TRIM62: variants seen among roughly 807,000 people sequenced by gnomAD.
TRIM62 encodes the protein tripartite motif containing 62.
In TRIM62, 39 loss-of-function variants were observed where a neutral mutation model predicts 44.2. The observed-to-expected ratio is 0.88, with a 90% CI of 0.68 to 1.15. TRIM62 has a LOEUF of 1.15. Among genes scored for constraint, TRIM62 ranks in the 50% most tolerant of loss-of-function variants. The pLI is 0.00. For missense variants in TRIM62, 544 were observed against 665.5 expected (o/e 0.82, Z 2.01); for synonymous variants, 278 against 292.3 (o/e 0.95, Z 0.50).
rs537359429 is a variant in TRIM62, at chr1:33,173,535, C to A, written c.408+7490G>T. On this transcript the variant is annotated intron_variant, in intron 1 of 4. Coordinates refer to ENST00000291416, the MANE Select transcript of TRIM62 (RefSeq NM_018207.3). ...TCCATTCTTACCTCCTCCTGCCACA[C>A]CCTCCCCTCTAGCCACAACGAACCA... Among the ~76,000 whole-genome samples, 180 of 152,170 alleles carry A rather than the reference C, an allele frequency of 1.2e-3. 1 individual carries two copies. Among genetic ancestry groups the A allele is most frequent in the Middle Eastern group, 3.4e-3 (1 of 294 alleles).
At chr1:33,174,966 T>C (rs372218926) in intron 1 of TRIM62, among the ~76,000 whole-genome samples, 94 of 95,334 alleles carry the variant, frequency 9.9e-4, no homozygotes, top group East Asian at 2.6e-3. Flanking sequence ...TATATATATA[T>C]ATACACACAT....
In TRIM62 at chr1:33,181,634, C is replaced by T. The variant is rs1166162923; in HGVS notation, c.-202G>A. The T allele has an allele frequency of 4.0e-6, 4 of 996,256 alleles. No individual in the cohort carries two copies. In the East Asian group the frequency reaches 1.2e-4, roughly 29 times the overall value. The allele number at this position is 996,256 out of a possible 1,614,324, so 61.7% of individuals were successfully genotyped here. A position where few individuals can be genotyped will look rare whatever the true frequency, so the allele number is the denominator to read the frequency against. Reference sequence around the variant, plus strand: ...GGTGCGCGGCTGAGACTCCGTGGGACGCCAGCCCGGGAGGGCAGTCTAGAG... The same window carrying T: ...GGTGCGCGGCTGAGACTCCGTGGGATGCCAGCCCGGGAGGGCAGTCTAGAG... On this transcript the variant is annotated 5_prime_UTR_variant, in exon 1 of 5. Transcript: ENST00000291416. This position sits in a 1 kb window ranked among gnomAD's most constrained non-coding sequence, Gnocchi z 6.5.
chr1:33,147,128 C>T lies in TRIM62; in HGVS notation c.*49G>A. On this transcript the variant is annotated 3_prime_UTR_variant, in exon 5 of 5. Transcript: ENST00000291416. This position sits in a 1 kb window ranked among gnomAD's most constrained non-coding sequence, Gnocchi z 8.1. ...GGTCTTCTATCTCCTGGGCAGGGCT[C>T]TTGCAGGTGGCAGTGGTCCCAGGAG... 10 of 1,585,642 alleles carry T rather than the reference C, an allele frequency of 6.3e-6. No homozygotes were observed. The highest frequency in any genetic ancestry group is 8.6e-6 in the Non-Finnish European group (10 of 1,164,322).
Position 33,159,454 on chromosome 1 carries a change from A to G in TRIM62, c.761+234T>C, listed in dbSNP as rs1353800083. On this transcript the variant is annotated intron_variant, in intron 3 of 4. Transcript: ENST00000291416. This position sits in a 1 kb window ranked among gnomAD's most constrained non-coding sequence, Gnocchi z 4.2. ...CAGGGTCAAAGTGGCTGCCCTCTAG[A>G]TGGTTTTCAAACTGTGTTCCTCACC... Among the ~76,000 whole-genome samples, 2 of 152,112 alleles carry G rather than the reference A, an allele frequency of 1.3e-5. No individual in the cohort carries two copies. The highest frequency in any genetic ancestry group is 4.8e-5 in the African/African-American group (2 of 41,422).
intron 4 of TRIM62, among the ~76,000 whole-genome samples, chr1:33,152,341 G>A (rs777570514): frequency 2.0e-5 from 3 of 152,136 alleles, no homozygotes; most frequent in South Asian, 2.1e-4. Flanking sequence ...CGAGGCAGGC[G>A]GATCACCTGA....
rs1301204454 is a variant in TRIM62 at position 33,146,854 on chromosome 1, G to A, written c.*323C>T. 1 of 352,604 alleles carries A rather than the reference G, an allele frequency of 2.8e-6. No homozygotes were observed. Among genetic ancestry groups the A allele is most frequent in the Non-Finnish European group, 5.3e-6 (1 of 189,128 alleles). The allele number at this position is 352,604 out of a possible 1,614,324, so 21.8% of individuals were successfully genotyped here. A position where few individuals can be genotyped will look rare whatever the true frequency, so the allele number is the denominator to read the frequency against. On this transcript the variant is annotated 3_prime_UTR_variant, in exon 5 of 5. Transcript: ENST00000291416. Reference sequence around the variant, plus strand: ...TCCTGAGGTCAGGGCTGGGCTGGAGGGAGACACTGGAAGGTAGTCCCCTGC... The same window carrying A: ...TCCTGAGGTCAGGGCTGGGCTGGAGAGAGACACTGGAAGGTAGTCCCCTGC...
intron 1 of TRIM62, among the ~76,000 whole-genome samples, chr1:33,172,699 G>A (rs1472441570): frequency 6.6e-6 from 1 of 152,110 alleles, no homozygotes; most frequent in African/African-American, 2.4e-5. Context: ...GCCAGGACTG[G>A]GGCAACAGAG....
At chr1:33,153,839 T>C (rs1200322192) in intron 4 of TRIM62, among the ~76,000 whole-genome samples, 1 of 152,254 alleles carries the variant, frequency 6.6e-6, no homozygotes, top group Non-Finnish European at 1.5e-5. Flanking sequence ...CATTTTGTTA[T>C]GCATTTATCG....
In TRIM62 at chr1:33,147,306, A is replaced by G. The variant is rs1479338501; in HGVS notation, c.1299T>C (p.Asp433=). 6.2e-7 allele frequency: 1 copy of G among 1,614,104 alleles called. No homozygotes were observed. The highest frequency in any genetic ancestry group is 8.5e-7 in the Non-Finnish European group (1 of 1,180,018). Residue 433 remains aspartate, a synonymous_variant, in exon 5 of 5, where the codon GAT becomes GAC. Transcript: ENST00000291416. This position sits in a 1 kb window ranked among gnomAD's most constrained non-coding sequence, Gnocchi z 8.1. ...GGAAGGTGTAGAGCCAGGACATGTC[A>G]TCAGCATTGTAGAAGATGAGCAAGC... ...DQGLLIFYNA[D]DMSWLYTFRE...
rs190897275 is a variant in TRIM62, at chr1:33,177,348, A to T, written c.408+3677T>A. 2.4e-3 allele frequency among the ~76,000 whole-genome samples: 365 copies of T among 152,280 alleles called. 1 individual carries two copies. The highest frequency in any genetic ancestry group is 7.3e-3 in the African/African-American group (302 of 41,554). On this transcript the variant is annotated intron_variant, in intron 1 of 4. Transcript: ENST00000291416. This position sits in a 1 kb window ranked among gnomAD's most constrained non-coding sequence, Gnocchi z 4.1. ...CAGTACTAGGCACTTCTGATAAAGG[A>T]TCCCTAACCCTTACAACATCCTTCC...
intron 2 of TRIM62, among the ~76,000 whole-genome samples, chr1:33,160,524 C>A (rs1238273945): frequency 1.3e-5 from 2 of 152,064 alleles, no homozygotes; most frequent in African/African-American, 4.8e-5. Context: ...CCAGCCTCAG[C>A]CTCCCTAGTA....
chr1:33,156,116 G>A (rs562020346), intron 4 of TRIM62, among the ~76,000 whole-genome samples: 147 of 152,314 alleles, frequency 9.7e-4, no homozygotes, highest in Non-Finnish European at 1.7e-3. Flanking sequence ...GCAGCAGATC[G>A]CAGTCAAGGC....
At chr1:33,151,536 C>A (rs1265614581) in intron 4 of TRIM62, among the ~76,000 whole-genome samples, 1 of 152,248 alleles carries the variant, frequency 6.6e-6, no homozygotes, top group East Asian at 1.9e-4. Context: ...ACACCCCTTC[C>A]CCCTCTGAGA....
intron 2 of TRIM62, among the ~76,000 whole-genome samples, chr1:33,160,439 C>T (rs1292855698): frequency 6.6e-6 from 1 of 151,968 alleles, no homozygotes; most frequent in Non-Finnish European, 1.5e-5. Context: ...AGTTTTGCTC[C>T]TGTCACCCAG....
intron 4 of TRIM62, among the ~76,000 whole-genome samples, chr1:33,150,786 T>C (rs1193576950): frequency 6.6e-6 from 1 of 151,726 alleles, no homozygotes; most frequent in African/African-American, 2.4e-5. Flanking sequence ...AAGAGCTAGA[T>C]TGAGAAGAGG....
rs1485817457 is a variant in TRIM62 at position 33,181,734 on chromosome 1, G to A, written c.-302C>T. ...TGAGGGACGGAGATCCTGACGGGGA[G>A]GTTCTAGGGGGCGGGGCAGTCCTAA... On this transcript the variant is annotated 5_prime_UTR_variant, in exon 1 of 5. Coordinates refer to ENST00000291416, the MANE Select transcript of TRIM62 (RefSeq NM_018207.3). The surrounding 1 kb of genome is among the most constrained non-coding windows in gnomAD (Gnocchi z 6.5). 1 of 428,308 alleles carries A rather than the reference G, an allele frequency of 2.3e-6. No homozygotes were observed. Among genetic ancestry groups the A allele is most frequent in the Non-Finnish European group, 4.2e-6 (1 of 239,188 alleles). The allele number at this position is 428,308 out of a possible 1,614,324, so 26.5% of individuals were successfully genotyped here. A position where few individuals can be genotyped will look rare whatever the true frequency, so the allele number is the denominator to read the frequency against.
In TRIM62 at chr1:33,165,594, G is replaced by A. The variant is rs748120529; in HGVS notation, c.409-28C>T. ...GAAACACACACAGGGCCGGGATGGG[G>A]GCAGGGGCCATGCCTGGCCCAGGCA... On this transcript the variant is annotated intron_variant, in intron 1 of 4. Transcript: ENST00000291416. The surrounding 1 kb of genome is among the most constrained non-coding windows in gnomAD (Gnocchi z 4.0). 6.3e-7 allele frequency: 1 copy of A among 1,577,734 alleles called. No homozygotes were observed. The highest frequency in any genetic ancestry group is 2.3e-5 in the East Asian group (1 of 43,436).
rs964307876 is a variant in TRIM62, at chr1:33,168,921, C to T, written c.409-3355G>A. Among the ~76,000 whole-genome samples the T allele has an allele frequency of 3.3e-5, 5 of 152,212 alleles. No homozygotes were observed. The East Asian group carries it at 9.6e-4, about 29-fold the overall frequency. ...GAGAAACTGCCTTGGAGTCTGCCTT[C>T]CTCACATTGCTCAGGGCACTTGAGA... On this transcript the variant is annotated intron_variant, in intron 1 of 4. Transcript: ENST00000291416.
rs1301182605 is a variant in TRIM62, at chr1:33,147,966, T to C, written c.878-239A>G. On this transcript the variant is annotated intron_variant, in intron 4 of 4. Coordinates refer to ENST00000291416, the MANE Select transcript of TRIM62 (RefSeq NM_018207.3). This position sits in a 1 kb window ranked among gnomAD's most constrained non-coding sequence, Gnocchi z 8.1. ...GGGGAGCAGGGGCTACAGCTGCTTG[T>C]TCACTGCCTGATGCCCAGGGCGGAG... Among the ~76,000 whole-genome samples, 1 of 152,178 alleles carries C rather than the reference T, an allele frequency of 6.6e-6. No homozygotes were observed. The highest frequency in any genetic ancestry group is 6.5e-5 in the Admixed American group (1 of 15,278).
Sources: gnomAD v4.1 joint callset for allele counts (sites outside exome capture counted in the v4.1 genomes callset) on GRCh38, gnomAD v4.1.1 for gene constraint, Gnocchi (gnomAD v3.1) non-coding constraint, MANE v1.5 for transcripts, NCBI Gene and HGNC (gene_info 2026-07-23, HGNC 2026-07-21) for gene names.